RBMS3: variants seen among roughly 807,000 people sequenced by gnomAD.
The protein encoded by RBMS3 is RNA binding motif single stranded interacting protein 3.
A neutral mutation model predicts 66.8 loss-of-function variants in RBMS3; 27 were observed. The observed-to-expected ratio is 0.40, with a 90% CI of 0.30 to 0.56. The LOEUF is 0.56. RBMS3 is among the 20% of genes least tolerant of loss of function. The pLI, the probability that RBMS3 is intolerant of heterozygous loss-of-function variation, is 0.40. For missense variants in RBMS3, 513 were observed against 549.5 expected (o/e 0.93, Z 0.66); for synonymous variants, 188 against 183.0 (o/e 1.03, Z -0.22).
At chr3:29,378,261 A>G (rs1289923567) in intron 1 of RBMS3, among the ~76,000 whole-genome samples, 2 of 152,160 alleles carry the variant, frequency 1.3e-5, no homozygotes, top group Non-Finnish European at 2.9e-5. Flanking sequence ...TCACGAGGTC[A>G]GGAGATTGAG....
chr3:29,545,891 T>C (rs2045930862), intron 3 of RBMS3, among the ~76,000 whole-genome samples: 1 of 152,208 alleles, frequency 6.6e-6, no homozygotes, highest in Non-Finnish European at 1.5e-5. Flanking sequence ...CTCTAGTCTT[T>C]TGATTTTAAC....
At chr3:29,578,790 CTTTTTTTTTT>C (rs1185861167) in intron 3 of RBMS3, among the ~76,000 whole-genome samples, 2 of 101,086 alleles carry the variant, frequency 2.0e-5, no homozygotes, top group African/African-American at 9.1e-5. Flanking sequence ...ATACATGCTT[CTTTTTTTTTT>C]TTTTTTTTTT....
intron 4 of RBMS3, among the ~76,000 whole-genome samples, chr3:29,720,019 T>C (rs2053574431): frequency 6.6e-6 from 1 of 152,014 alleles, no homozygotes; most frequent in Non-Finnish European, 1.5e-5. Flanking sequence ...TAATCCCAAT[T>C]CACAGTATGT....
At chr3:29,939,699 A>G (rs1285620180) in intron 11 of RBMS3, among the ~76,000 whole-genome samples, 2 of 151,822 alleles carry the variant, frequency 1.3e-5, no homozygotes, top group African/African-American at 2.4e-5. Context: ...ACAGATTGGT[A>G]AGCCAGAGCT....
intron 4 of RBMS3, among the ~76,000 whole-genome samples, chr3:29,687,676 CATT>C (rs987987682): frequency 6.6e-6 from 1 of 152,230 alleles, no homozygotes; most frequent in South Asian, 2.1e-4. Context: ...GTTCATAAAA[CATT>C]ATAACAGCAA....
chr3:29,914,909 C>T (rs2060601021), intron 10 of RBMS3, among the ~76,000 whole-genome samples: 1 of 151,710 alleles, frequency 6.6e-6, no homozygotes, highest in African/African-American at 2.4e-5. Context: ...CTTCCATAGC[C>T]ACTAGCCCAG....
At chr3:29,931,766 A>G (rs902884159) in intron 10 of RBMS3, among the ~76,000 whole-genome samples, 1 of 152,212 alleles carries the variant, frequency 6.6e-6, no homozygotes, top group Non-Finnish European at 1.5e-5. Flanking sequence ...CTATTCCTCA[A>G]GCTACCTTCA....
chr3:29,489,672 A>C (rs1575986669), intron 3 of RBMS3, among the ~76,000 whole-genome samples: 2 of 149,188 alleles, frequency 1.3e-5, no homozygotes, highest in African/African-American at 4.9e-5. Flanking sequence ...AGAATGGGTG[A>C]GCTTGGGACA....
rs11369412 is a variant in RBMS3, at chr3:29,281,311, A to ATT, written c.-365_-364dup. ...TCGGAGTTGTGCTAAAAGGACTTTGATTTTTTTCCCCCTTTACGAACGCTG... is the reference window on the plus strand; with the variant it reads ...TCGGAGTTGTGCTAAAAGGACTTTGATTTTTTTTTCCCCCTTTACGAACGCTG... On this transcript the variant is annotated 5_prime_UTR_variant, in exon 1 of 15. Transcript: ENST00000383767. The ATT allele has an allele frequency of 2.6e-3, 595 of 227,042 alleles. 3 individuals are homozygous for ATT. The highest frequency in any genetic ancestry group is 4.2e-3 in the Non-Finnish European group (494 of 118,520). 14.1% of individuals were successfully genotyped at this position (227,042 alleles called of 1,614,324 possible). A position where few individuals can be genotyped will look rare whatever the true frequency, so the allele number is the denominator to read the frequency against.
At chr3:29,284,217 G>A (rs2032067356) in intron 1 of RBMS3, among the ~76,000 whole-genome samples, 1 of 152,134 alleles carries the variant, frequency 6.6e-6, no homozygotes, top group African/African-American at 2.4e-5. Flanking sequence ...AAATGATGCT[G>A]ATATGTCAAT....
chr3:29,692,272 G>A (rs1041668943), intron 4 of RBMS3, among the ~76,000 whole-genome samples: 6 of 151,956 alleles, frequency 3.9e-5, no homozygotes, highest in Admixed American at 2.0e-4. Context: ...GTGAGCCACC[G>A]CGCCCGACCT....
At chr3:29,704,615 G>C (rs1244341416) in intron 4 of RBMS3, among the ~76,000 whole-genome samples, 1 of 152,112 alleles carries the variant, frequency 6.6e-6, no homozygotes, top group Non-Finnish European at 1.5e-5. Context: ...AAAGTAGCAG[G>C]CATCTAGTGG....
At chr3:29,538,219 A>G (rs1056381100) in intron 3 of RBMS3, among the ~76,000 whole-genome samples, 2 of 152,238 alleles carry the variant, frequency 1.3e-5, no homozygotes, top group African/African-American at 4.8e-5. Context: ...TGGAACATTT[A>G]TGGTGCTATC....
At chr3:29,889,122 T>C (rs78960435) in intron 8 of RBMS3, among the ~76,000 whole-genome samples, 2,045 of 151,778 alleles carry the variant, frequency 0.013, 46 homozygotes, top group African/African-American at 0.047. Flanking sequence ...ATTTGGTTAC[T>C]GCAACTGAAC....
At chr3:29,352,358 T>C (rs1011929438) in intron 1 of RBMS3, among the ~76,000 whole-genome samples, 11 of 152,032 alleles carry the variant, frequency 7.2e-5, no homozygotes, top group Non-Finnish European at 1.5e-4. Context: ...GATATATCTA[T>C]TTATTCACTA....
chr3:29,746,595 G>A (rs776473550), intron 5 of RBMS3, among the ~76,000 whole-genome samples: 2 of 152,056 alleles, frequency 1.3e-5, no homozygotes, highest in Non-Finnish European at 2.9e-5. Context: ...GTCTCATCTT[G>A]TTTCTTCTCC....
intron 1 of RBMS3, among the ~76,000 whole-genome samples, chr3:29,399,200 G>A (rs2039692425): frequency 6.7e-6 from 1 of 149,140 alleles, no homozygotes; most frequent in South Asian, 2.1e-4. Flanking sequence ...AACAGCTATG[G>A]CCCCACATGT....
chr3:29,748,919 C>G (rs1347756973), intron 5 of RBMS3, among the ~76,000 whole-genome samples: 1 of 152,216 alleles, frequency 6.6e-6, no homozygotes, highest in Admixed American at 6.5e-5. Context: ...TTAAGTGTGC[C>G]TAAAGCTGAA....
intron 7 of RBMS3, among the ~76,000 whole-genome samples, chr3:29,873,516 A>G (rs1475446334): frequency 3.9e-5 from 6 of 152,182 alleles, no homozygotes; most frequent in African/African-American, 1.4e-4. Flanking sequence ...TTTTAGATGT[A>G]GAATCATGTT....
Sources: gnomAD v4.1 joint callset for allele counts (sites outside exome capture counted in the v4.1 genomes callset) on GRCh38, gnomAD v4.1.1 for gene constraint, MANE v1.5 for transcripts, NCBI Gene and HGNC (gene_info 2026-07-23, HGNC 2026-07-21) for gene names.